Variants in KNTC1 observed in about 807,000 individuals in gnomAD.
KNTC1 encodes kinetochore-associated protein 1.
Under a neutral mutation model 314.4 loss-of-function variants are expected in KNTC1, and 253 were observed. The ratio of observed to expected loss-of-function variants is 0.80; its 90% CI spans 0.73 to 0.89. KNTC1 has a LOEUF of 0.89. Ranked by LOEUF, KNTC1 falls within the 40% of genes least tolerant of loss-of-function variation. The pLI, the probability that KNTC1 is intolerant of heterozygous loss-of-function variation, is 0.00. For synonymous variants in KNTC1, 901 were observed against 901.4 expected (o/e 1.00, Z 0.01); for missense variants, 2,475 against 2,572.9 (o/e 0.96, Z 0.82).
chr12:122,577,591 A>G (rs1216087293), intron 30 of KNTC1, 81 bp from the exon 31 acceptor site: 3 of 1,311,092 alleles, frequency 2.3e-6, no homozygotes, highest in African/African-American at 1.5e-5. Flanking sequence ...TTTCATCTTT[A>G]AATAGAAAAG....
Position 122,546,649 on chromosome 12 carries a change from A to G in KNTC1, c.791A>G (p.Asn264Ser), listed in dbSNP as rs1231951575. The change falls in exon 10 of 64, where the codon AAT (asparagine) becomes AGT (serine). Residue 264 changes from asparagine (N) to serine (S), a missense_variant. Coordinates refer to ENST00000333479, the MANE Select transcript of KNTC1 (RefSeq NM_014708.6). ...KGAKKFQLID[N>S]LLFVLDTDNV... ...GCAAAGAAGTTCCAGCTGATAGACA[A>G]TCTACTTTTTGTTCTTGATACTGAT... 8 of 1,588,564 alleles carry G rather than the reference A, an allele frequency of 5.0e-6. No individual in the cohort carries two copies. The highest frequency in any genetic ancestry group is 1.1e-5 in the South Asian group (1 of 88,360).
chr12:122,601,497 A>C, intron 44 of KNTC1, 39 bp from the exon 45 acceptor site: 2 of 1,472,196 alleles, frequency 1.4e-6, no homozygotes, highest in South Asian at 2.7e-5. Context: ...AACATGGCAA[A>C]GTCTTATCAA....
intron 34 of KNTC1, among the ~76,000 whole-genome samples, chr12:122,583,997 C>T (rs770492497): frequency 2.6e-5 from 4 of 152,100 alleles, no homozygotes; most frequent in Non-Finnish European, 4.4e-5. Flanking sequence ...TGGTGGCACA[C>T]ACCTGTAGTC....
intron 34 of KNTC1, among the ~76,000 whole-genome samples, 181 bp downstream of exon 34, chr12:122,583,166 C>T (rs1051690515): frequency 6.6e-6 from 1 of 152,080 alleles, no homozygotes; most frequent in Non-Finnish European, 1.5e-5. Flanking sequence ...AAAAAATTAG[C>T]CAGGCATGGT....
At chr12:122,580,697 T>C (rs1965359198) in intron 33 of KNTC1, 27 bp downstream of exon 33, 14 of 1,437,032 alleles carry the variant, frequency 9.7e-6, no homozygotes, top group East Asian at 2.4e-5. Context: ...ATGTTAAACA[T>C]TATTACTTGA....
chr12:122,582,802 A>G lies in KNTC1; in HGVS notation c.3080A>G (p.Gln1027Arg), dbSNP rs374190938. 1.8e-4 allele frequency: 290 copies of G among 1,612,456 alleles called. No individual in the cohort carries two copies. The highest frequency in any genetic ancestry group is 2.3e-4 in the Non-Finnish European group (277 of 1,179,258). Residue 1027 changes from glutamine to arginine, a missense_variant, in exon 34 of 64, where the codon CAG becomes CGG. Physicochemically the swap from Gln to Arg is conservative, Grantham distance 43 (BLOSUM62 1). Transcript: ENST00000333479. ...CACATTAAAGCTCACGAAGTTGCAC[A>G]GGCGAAACACAAACCTGGGAGCACC... is the stretch of plus-strand genomic sequence containing the variant. ...EQHIKAHEVA[Q>R]AKHKPGSTPE...
chr12:122,537,858 A>G (rs953709670), intron 3 of KNTC1, among the ~76,000 whole-genome samples: 1 of 151,934 alleles, frequency 6.6e-6, no homozygotes, highest in African/African-American at 2.4e-5. Flanking sequence ...GACCAGCTGC[A>G]TGCAGTGGCT....
intron 33 of KNTC1, among the ~76,000 whole-genome samples, chr12:122,580,928 C>T (rs55935830): frequency 0.035 from 5,336 of 151,250 alleles, 338 homozygotes; most frequent in African/African-American, 0.12. Flanking sequence ...CTCGGGAGGC[C>T]GAGGCAGGAG....
intron 44 of KNTC1, among the ~76,000 whole-genome samples, chr12:122,598,605 G>A (rs980316873): frequency 1.3e-5 from 2 of 151,396 alleles, no homozygotes; most frequent in African/African-American, 4.9e-5. Flanking sequence ...ATTTTTAGTA[G>A]AGATGGAATT....
Position 122,536,150 on chromosome 12 carries a change from G to T in KNTC1, c.250+1366G>T, listed in dbSNP as rs191098270. Among the ~76,000 whole-genome samples, 606 of 150,980 alleles carry T rather than the reference G, an allele frequency of 4.0e-3. 4 individuals are homozygous for T. The highest frequency in any genetic ancestry group is 6.8e-3 in the Non-Finnish European group (460 of 67,810). On this transcript the variant is annotated intron_variant, in intron 3 of 63. Coordinates refer to ENST00000333479, the MANE Select transcript of KNTC1 (RefSeq NM_014708.6). ...GATCTCCTGACCTTGTGATCTGCCT[G>T]CCTCGGCCTCCCAAAGTGCTGGGAT...
chr12:122,613,386 A>G, intron 54 of KNTC1, 156 bp downstream of exon 54: 1 of 664,500 alleles, frequency 1.5e-6, no homozygotes, highest in Non-Finnish European at 2.5e-6. Flanking sequence ...GCAAAGGGAA[A>G]ATAGGGCTTT....
intron 5 of KNTC1, among the ~76,000 whole-genome samples, chr12:122,541,335 C>CCTTCCTTCCTA (rs1962314073): frequency 1.5e-5 from 1 of 66,324 alleles, no homozygotes; most frequent in Non-Finnish European, 3.0e-5. Flanking sequence ...CGTCCTTCCT[C>CCTTCCTTCCTA]TGTCTCTCCC....
chr12:122,571,247 C>T, intron 24 of KNTC1, 121 bp downstream of exon 24: 2 of 645,218 alleles, frequency 3.1e-6, no homozygotes, highest in African/African-American at 1.8e-5. Flanking sequence ...TTTTTTGTGC[C>T]TTTTTTTTGT....
chr12:122,593,048 C>T (rs1014707210), intron 42 of KNTC1: 1 of 155,628 alleles, frequency 6.4e-6, no homozygotes, highest in African/African-American at 2.4e-5. Context: ...CAGCTTCACT[C>T]CTGAGCCAGC....
In KNTC1 at chr12:122,590,683, A is replaced by T; in HGVS notation, c.4076A>T (p.Glu1359Val). ...CTCTTACCTCAAAAAGATGTGTTTGAAAATCTCTGGAAGCTCATAGATAAA... is the reference window on the plus strand; with the variant it reads ...CTCTTACCTCAAAAAGATGTGTTTGTAAATCTCTGGAAGCTCATAGATAAA... Reference protein sequence around the residue: ...CTLLPQKDVFENLWKLIDKAW... With the variant: ...CTLLPQKDVFVNLWKLIDKAW... The change falls in exon 41 of 64, where the codon GAA becomes GTA. Residue 1359 changes from glutamate to valine, a missense_variant. Transcript: ENST00000333479. 1 of 1,613,776 alleles carries T rather than the reference A, an allele frequency of 6.2e-7. No homozygotes were observed. Among genetic ancestry groups the T allele is most frequent in the Non-Finnish European group, 8.5e-7 (1 of 1,179,768 alleles).
intron 55 of KNTC1, 40 bp downstream of exon 55, chr12:122,613,801 CT>C: frequency 6.5e-7 from 1 of 1,534,534 alleles, no homozygotes; most frequent in East Asian, 2.4e-5. Flanking sequence ...TTCCCTGCCC[CT>C]ACTCAGAATC....
At chr12:122,548,804 C>T (rs1005158633) in intron 12 of KNTC1, among the ~76,000 whole-genome samples, 3 of 151,842 alleles carry the variant, frequency 2.0e-5, no homozygotes, top group African/African-American at 7.3e-5. Context: ...CCAGTCTCTA[C>T]TAAAAATACA....
At chr12:122,600,634 A>C (rs971797283) in intron 44 of KNTC1, among the ~76,000 whole-genome samples, 1 of 150,288 alleles carries the variant, frequency 6.7e-6, no homozygotes, top group African/African-American at 2.4e-5. Flanking sequence ...CCATACCCCT[A>C]CCCTTTCTAT....
rs372506657 is a variant in KNTC1 at position 122,575,628 on chromosome 12, T to A, written c.2468T>A (p.Leu823Gln). The change falls in exon 28 of 64, where the codon CTG becomes CAG. Residue 823 changes from leucine to glutamine, a missense_variant. By Grantham distance (113) the Leu-to-Gln change is moderately radical. Coordinates refer to ENST00000333479, the MANE Select transcript of KNTC1 (RefSeq NM_014708.6). ...AAVEQLVKQH[L>Q]EMDHPKVKLL... The stretch of plus-strand genomic sequence containing the variant: ...GTGGAGCAACTGGTGAAACAGCACC[T>A]GGAAATGGACCATCCCAAGTAAGAT... 2.5e-6 allele frequency: 4 copies of A among 1,591,906 alleles called. No individual in the cohort carries two copies. The African/African-American group carries it at 5.4e-5, about 21-fold the overall frequency.
Sources: allele counts gnomAD v4.1 joint callset (sites outside exome capture counted in the v4.1 genomes callset), GRCh38; gene constraint gnomAD v4.1.1; transcripts MANE v1.5; gene names NCBI Gene and HGNC (gene_info 2026-07-23, HGNC 2026-07-21).